Variants in LIMA1 observed in about 807,000 individuals in gnomAD.
The protein encoded by LIMA1 is LIM domain and actin-binding protein 1.
Under a neutral mutation model 62.6 loss-of-function variants are expected in LIMA1, and 52 were observed. That is an observed-to-expected ratio of 0.83 (90% CI 0.67 to 1.05). The LOEUF (loss-of-function observed/expected upper bound fraction) is 1.05. Ranked by LOEUF, LIMA1 falls within the 50% of genes least tolerant of loss-of-function variation. LIMA1 has a pLI of 0.00. For synonymous variants in LIMA1, 302 were observed against 317.8 expected (o/e 0.95, Z 0.53); for missense variants, 780 against 902.2 (o/e 0.86, Z 1.74).
At chr12:50,261,042 A>ATTTTTTTTTTTTTTTTTTT (rs71083524) in intron 1 of LIMA1, among the ~76,000 whole-genome samples, 2 of 54,294 alleles carry the variant, frequency 3.7e-5, no homozygotes, top group Non-Finnish European at 6.4e-5. Context: ...CATCTAGTAT[A>ATTTTTTTTTTTTTTTTTTT]TTTTTTTTTT....
intron 2 of LIMA1, among the ~76,000 whole-genome samples, chr12:50,238,861 A>C (rs1941733886): frequency 6.6e-6 from 1 of 152,096 alleles, no homozygotes; most frequent in East Asian, 1.9e-4. Flanking sequence ...CGAAGAAAAA[A>C]AAAATCATGA....
intron 2 of LIMA1, 70 bp downstream of exon 2, chr12:50,248,563 C>T (rs1164895276): frequency 1.0e-6 from 1 of 957,602 alleles, no homozygotes; most frequent in Non-Finnish European, 1.7e-6. Context: ...ACTTCCTTCA[C>T]CAATTTCCCT....
At chr12:50,183,671 C>T (rs2138390665) in intron 9 of LIMA1, among the ~76,000 whole-genome samples, 2 of 151,958 alleles carry the variant, frequency 1.3e-5, no homozygotes, top group Middle Eastern at 6.8e-3. Context: ...ATTAGCCGGG[C>T]ATGGTGGCGT....
intron 2 of LIMA1, among the ~76,000 whole-genome samples, chr12:50,247,635 ATTATT>A (rs1279815395): frequency 6.7e-6 from 1 of 148,932 alleles, no homozygotes; most frequent in Non-Finnish European, 1.5e-5. Context: ...TATTATTATT[ATTATT>A]TAAGACAGAG....
At chr12:50,267,564 G>A (rs182709957) in intron 1 of LIMA1, among the ~76,000 whole-genome samples, 2 of 150,226 alleles carry the variant, frequency 1.3e-5, no homozygotes, top group East Asian at 4.0e-4. Flanking sequence ...TCTGTCGCCA[G>A]GCTGGAGTGC....
At chr12:50,202,128 A>T (rs961558032) in intron 6 of LIMA1, 5 of 152,234 alleles carry the variant, frequency 3.3e-5, no homozygotes, top group Non-Finnish European at 5.9e-5. Flanking sequence ...CCGGAGGTGC[A>T]TCTGTGAGGA....
intron 1 of LIMA1, among the ~76,000 whole-genome samples, chr12:50,250,551 C>T (rs1386243822): frequency 1.5e-5 from 2 of 131,492 alleles, no homozygotes; most frequent in African/African-American, 6.4e-5. Flanking sequence ...GGGTGACAGA[C>T]CAAGATGTTC....
At chr12:50,193,997 AT>A (rs1445595389) in intron 8 of LIMA1, among the ~76,000 whole-genome samples, 18 of 140,370 alleles carry the variant, frequency 1.3e-4, no homozygotes, top group African/African-American at 4.5e-4. Flanking sequence ...ATATATATAT[AT>A]TTTTTTTGAG....
intron 9 of LIMA1, chr12:50,185,575 CCTTTTT>C: frequency 2.3e-6 from 1 of 432,752 alleles, no homozygotes; most frequent in Admixed American, 2.6e-5. Context: ...TTCTTTTTTT[CCTTTTT>C]AAGTAACTCT....
rs1195057349 is a variant in LIMA1 at position 50,222,129 on chromosome 12, T to C, written c.522A>G (p.Lys174=). The part of the protein sequence containing the change: ...CLGESRHEVE[K]SEISENTDAS... ...CATCTGTGTTTTCACTGATTTCTGA[T>C]TTTTCTACTTCATGCCTGGATTCTC... Residue 174 remains lysine, a synonymous_variant, in exon 4 of 11, where the codon AAA becomes AAG. Transcript: ENST00000341247. 1.2e-6 allele frequency: 2 copies of C among 1,614,092 alleles called. No individual in the cohort carries two copies. The highest frequency in any genetic ancestry group is 1.3e-5 in the African/African-American group (1 of 74,938).
At chr12:50,263,389 T>C (rs926912324) in intron 1 of LIMA1, among the ~76,000 whole-genome samples, 2 of 152,084 alleles carry the variant, frequency 1.3e-5, no homozygotes, top group African/African-American at 4.8e-5. Flanking sequence ...AATGAAGGGG[T>C]TAAAATAGCC....
At chr12:50,263,834 GTA>G (rs71441348) in intron 1 of LIMA1, among the ~76,000 whole-genome samples, 5,885 of 115,974 alleles carry the variant, frequency 0.051, 143 homozygotes, top group Admixed American at 0.063. Flanking sequence ...TATAGAGAGA[GTA>G]TATATATATA....
intron 3 of LIMA1, among the ~76,000 whole-genome samples, chr12:50,223,856 C>T (rs1377781116): frequency 1.3e-5 from 2 of 152,008 alleles, no homozygotes; most frequent in Non-Finnish European, 2.9e-5. Flanking sequence ...CGGCCAACAC[C>T]GTGAAACCAC....
chr12:50,230,442 T>C (rs564650977), intron 3 of LIMA1, among the ~76,000 whole-genome samples: 63 of 152,148 alleles, frequency 4.1e-4, no homozygotes, highest in African/African-American at 1.5e-3. Flanking sequence ...CAGTGAAAAC[T>C]TGTTAAATGG....
At chr12:50,281,738 A>G (rs1465225058) in intron 1 of LIMA1, among the ~76,000 whole-genome samples, 2 of 152,230 alleles carry the variant, frequency 1.3e-5, no homozygotes, top group Non-Finnish European at 2.9e-5. Context: ...TGAAAGTGAT[A>G]CAAATACATA....
intron 1 of LIMA1, among the ~76,000 whole-genome samples, chr12:50,255,164 T>A (rs1941979349): frequency 6.6e-6 from 1 of 152,074 alleles, no homozygotes; most frequent in Non-Finnish European, 1.5e-5. Context: ...CCTCCTCTCT[T>A]TTTTTTCTCC....
At chr12:50,265,576 G>C (rs1203115892) in intron 1 of LIMA1, among the ~76,000 whole-genome samples, 3 of 151,804 alleles carry the variant, frequency 2.0e-5, no homozygotes, top group Non-Finnish European at 4.4e-5. Flanking sequence ...ATTAGTTGAA[G>C]AGAAATTGTT....
intron 1 of LIMA1, 111 bp from the exon 2 acceptor site, chr12:50,248,885 G>A (rs1314257070): frequency 9.1e-6 from 6 of 661,628 alleles, no homozygotes; most frequent in African/African-American, 1.8e-5. Flanking sequence ...CTCCTCCACT[G>A]TTCTCCCCCA....
chr12:50,273,211 T>G (rs1284863401), intron 1 of LIMA1, among the ~76,000 whole-genome samples: 1 of 152,068 alleles, frequency 6.6e-6, no homozygotes, highest in Admixed American at 6.6e-5. Context: ...AGCCTTGGCC[T>G]CCTAAAGTGC....
Sources: allele counts gnomAD v4.1 joint callset (sites outside exome capture counted in the v4.1 genomes callset), GRCh38; gene constraint gnomAD v4.1.1; transcripts MANE v1.5; gene names NCBI Gene and HGNC (gene_info 2026-07-23, HGNC 2026-07-21).